ADGRL2: variants seen among roughly 807,000 people sequenced by gnomAD.
The protein encoded by ADGRL2 is calcium-independent alpha-latrotoxin receptor 2.
ADGRL2 carries 44 observed loss-of-function variants against 157.4 expected under a neutral mutation model. The ratio of observed to expected loss-of-function variants is 0.28; its 90% confidence interval spans 0.22 to 0.36. The LOEUF (loss-of-function observed/expected upper bound fraction) is 0.36, where lower values mean the gene tolerates loss of function less well. ADGRL2 is among the 10% of genes least tolerant of loss of function. The pLI, the probability that ADGRL2 is intolerant of heterozygous loss-of-function variation, is 1.00. For missense variants in ADGRL2, 1,510 were observed against 1,768.9 expected, an observed-to-expected ratio of 0.85 and a Z score of 2.63; for synonymous variants, 585 against 624.7, an observed-to-expected ratio of 0.94 and a Z score of 0.95.
At chr1:81,408,699 T>C (rs1259001471) in intron 1 of ADGRL2, among the ~76,000 whole-genome samples, 1 of 125,480 alleles carries the variant, frequency 8.0e-6, no homozygotes, top group Non-Finnish European at 1.7e-5. Flanking sequence ...AATTAATCTT[T>C]ACCTGCCCAA....
rs777242291 is a variant in ADGRL2 at position 81,966,364 on chromosome 1, A to G, written c.2144-40A>G. On this transcript the variant is annotated intron_variant, in intron 12 of 23. Coordinates refer to ENST00000686636, the MANE Select transcript of ADGRL2 (RefSeq NM_001366006.2). ...ATTTTATCTTAGTTTATTAACAAGC[A>G]TGTTTTTTGTACATCATGTGACTAT... 3.8e-6 allele frequency: 6 copies of G among 1,574,592 alleles called. No homozygotes were observed. In the South Asian group the frequency reaches 6.7e-5, roughly 17 times the overall value.
chr1:81,832,376 C>G (rs1359731685), intron 1 of ADGRL2, among the ~76,000 whole-genome samples: 1 of 152,128 alleles, frequency 6.6e-6, no homozygotes, highest in African/African-American at 2.4e-5. Context: ...AACTCCTGAC[C>G]TCGTGATCCA....
At chr1:81,925,228 A>C (rs1296061164) in intron 3 of ADGRL2, among the ~76,000 whole-genome samples, 1 of 152,114 alleles carries the variant, frequency 6.6e-6, no homozygotes, top group Non-Finnish European at 1.5e-5. Context: ...CCTTTGGAGA[A>C]ACATGAACTA....
intron 2 of ADGRL2, among the ~76,000 whole-genome samples, chr1:81,773,023 GT>G (rs1043029059): frequency 5.3e-5 from 8 of 152,292 alleles, no homozygotes; most frequent in African/African-American, 1.9e-4. Context: ...GAAAGGAGTT[GT>G]GTTCTCACTT....
At chr1:81,431,266 C>A (rs2077315322) in intron 1 of ADGRL2, among the ~76,000 whole-genome samples, 1 of 151,998 alleles carries the variant, frequency 6.6e-6, no homozygotes, top group African/African-American at 2.4e-5. Flanking sequence ...AAGGAGAAAA[C>A]CAGATATTTT....
chr1:81,916,890 G>T (rs1300890696), intron 3 of ADGRL2, among the ~76,000 whole-genome samples: 1 of 151,580 alleles, frequency 6.6e-6, no homozygotes, highest in Non-Finnish European at 1.5e-5. Context: ...TCCATATTTT[G>T]TTTTTGTACT....
At chr1:81,912,815 G>A (rs1042206220) in intron 3 of ADGRL2, among the ~76,000 whole-genome samples, 4 of 152,244 alleles carry the variant, frequency 2.6e-5, no homozygotes, top group Middle Eastern at 3.4e-3. Context: ...TAGGATTTTC[G>A]AGATAGGAGA....
At chr1:81,849,017 GTTTTAGAGGTAAGCAAATAGCAACCATCC>G (rs1319654824) in intron 2 of ADGRL2, among the ~76,000 whole-genome samples, 1 of 151,862 alleles carries the variant, frequency 6.6e-6, no homozygotes, top group Non-Finnish European at 1.5e-5. Flanking sequence ...CCTTTGCTTT[GTTTTAGAGGTAAGCAAATAGCAACCATCC>G]CTGTTAGCTT....
At chr1:81,493,811 T>C (rs1368809184) in intron 2 of ADGRL2, among the ~76,000 whole-genome samples, 1 of 152,124 alleles carries the variant, frequency 6.6e-6, no homozygotes, top group African/African-American at 2.4e-5. Context: ...GCCAACAGTT[T>C]CCTCAGAAGT....
chr1:81,945,318 G>A (rs1649451264), intron 6 of ADGRL2, among the ~76,000 whole-genome samples: 2 of 151,840 alleles, frequency 1.3e-5, no homozygotes, highest in African/African-American at 4.8e-5. Context: ...GGCTAAAATT[G>A]TATTGATCCT....
intron 3 of ADGRL2, among the ~76,000 whole-genome samples, chr1:81,633,681 A>T (rs2082058341): frequency 6.6e-6 from 1 of 151,498 alleles, no homozygotes; most frequent in Non-Finnish European, 1.5e-5. Flanking sequence ...TAGCACCACC[A>T]TCTAACCAGT....
intron 6 of ADGRL2, among the ~76,000 whole-genome samples, chr1:81,949,639 G>A (rs954473345): frequency 1.3e-5 from 2 of 152,164 alleles, no homozygotes; most frequent in Non-Finnish European, 2.9e-5. Context: ...CTTCTGTTTG[G>A]ATCTAATCAG....
intron 2 of ADGRL2, among the ~76,000 whole-genome samples, chr1:81,839,927 TGG>T (rs2092486631): frequency 1.7e-5 from 2 of 116,316 alleles, no homozygotes; most frequent in Non-Finnish European, 3.5e-5. Context: ...ATATATATGA[TGG>T]AATATATATA....
At chr1:81,326,049 A>G (rs547750572) in intron 1 of ADGRL2, among the ~76,000 whole-genome samples, 39 of 152,286 alleles carry the variant, frequency 2.6e-4, no homozygotes, top group Non-Finnish European at 5.0e-4. Flanking sequence ...TTTAGTGTGG[A>G]CTATATAAAT....
intron 1 of ADGRL2, among the ~76,000 whole-genome samples, chr1:81,373,319 T>G (rs1160372890): frequency 6.6e-6 from 1 of 152,200 alleles, no homozygotes; most frequent in African/African-American, 2.4e-5. Flanking sequence ...AGGATGAGCC[T>G]GGGGGCAAAA....
chr1:81,471,833 A>G (rs2078179344), intron 2 of ADGRL2, among the ~76,000 whole-genome samples: 1 of 152,210 alleles, frequency 6.6e-6, no homozygotes, highest in African/African-American at 2.4e-5. Flanking sequence ...TCTCATAGTT[A>G]TGACAGTAAT....
chr1:81,571,861 T>C (rs1049016329), intron 2 of ADGRL2, among the ~76,000 whole-genome samples: 1 of 152,204 alleles, frequency 6.6e-6, no homozygotes, highest in African/African-American at 2.4e-5. Flanking sequence ...CGACACATAT[T>C]TGTTGAATGA....
At chr1:81,410,454 C>T (rs1173778836) in intron 1 of ADGRL2, among the ~76,000 whole-genome samples, 1 of 152,236 alleles carries the variant, frequency 6.6e-6, no homozygotes. Flanking sequence ...CTCCACACAT[C>T]CGTGATGCAG....
At chr1:81,450,388 T>A (rs1364559967) in intron 2 of ADGRL2, among the ~76,000 whole-genome samples, 1 of 152,296 alleles carries the variant, frequency 6.6e-6, no homozygotes, top group Non-Finnish European at 1.5e-5. Flanking sequence ...ATTTATTATA[T>A]CTCATTCAAT....
Sources: allele counts gnomAD v4.1 joint callset (sites outside exome capture counted in the v4.1 genomes callset), GRCh38; gene constraint gnomAD v4.1.1; transcripts MANE v1.5; gene names NCBI Gene and HGNC (gene_info 2026-07-23, HGNC 2026-07-21).